The following MTUS2 variants were observed in gnomAD, a reference collection of about 807,000 sequenced individuals.
MTUS2 encodes the protein microtubule associated scaffold protein 2.
Under a neutral mutation model 114.1 loss-of-function variants are expected in MTUS2, and 40 were observed. The observed-to-expected ratio is 0.35, with a 90% CI of 0.27 to 0.46. The LOEUF (loss-of-function observed/expected upper bound fraction) is 0.46. Ranked by LOEUF, MTUS2 falls within the 20% of genes least tolerant of loss-of-function variation. The pLI, the probability that MTUS2 is intolerant of heterozygous loss-of-function variation, is 1.00. For missense variants in MTUS2, 1,679 were observed against 1,705.4 expected, an observed-to-expected ratio of 0.98 and a Z score of 0.27; for synonymous variants, 688 against 672.0, an observed-to-expected ratio of 1.02 and a Z score of -0.37.
chr13:29,481,576 G>A (rs879295950), intron 10 of MTUS2, among the ~76,000 whole-genome samples: 7 of 152,090 alleles, frequency 4.6e-5, no homozygotes, highest in Admixed American at 2.0e-4. Flanking sequence ...TTCATTGTCC[G>A]AAACCCTTGG....
chr13:29,430,450 T>C (rs1250552845), intron 8 of MTUS2, among the ~76,000 whole-genome samples: 2 of 152,206 alleles, frequency 1.3e-5, no homozygotes, highest in Non-Finnish European at 2.9e-5. Flanking sequence ...GTATGATGTT[T>C]AAGTAACTTT....
chr13:29,447,204 G>A (rs562111755), intron 9 of MTUS2, among the ~76,000 whole-genome samples: 1 of 152,182 alleles, frequency 6.6e-6, no homozygotes, highest in East Asian at 1.9e-4. Flanking sequence ...TGGAGACAGG[G>A]CACTCTGGTG....
intron 2 of MTUS2, among the ~76,000 whole-genome samples, chr13:29,016,352 CTT>C (rs1332818031): frequency 3.7e-5 from 5 of 136,664 alleles, no homozygotes; most frequent in Non-Finnish European, 3.2e-5. Context: ...CTGGAAAGGA[CTT>C]TTTTTTTTTT....
At chr13:29,211,790 T>G (rs1473668199) in intron 5 of MTUS2, among the ~76,000 whole-genome samples, 1 of 151,692 alleles carries the variant, frequency 6.6e-6, no homozygotes, top group Non-Finnish European at 1.5e-5. Context: ...ACTCATAGTT[T>G]GTCAGTGTGT....
chr13:29,206,078 T>C (rs1353952916), intron 5 of MTUS2, among the ~76,000 whole-genome samples: 2 of 152,216 alleles, frequency 1.3e-5, no homozygotes, highest in African/African-American at 4.8e-5. Context: ...TTCTATTGTT[T>C]TTAGATTTTT....
intron 6 of MTUS2, among the ~76,000 whole-genome samples, chr13:29,310,081 C>G (rs1899682021): frequency 1.3e-5 from 2 of 152,034 alleles, no homozygotes; most frequent in Admixed American, 1.3e-4. Flanking sequence ...ACTACCCTTC[C>G]CAGCCTCTGG....
intron 2 of MTUS2, among the ~76,000 whole-genome samples, chr13:28,909,526 A>G (rs1880268486): frequency 6.6e-6 from 1 of 152,274 alleles, no homozygotes; most frequent in African/African-American, 2.4e-5. Flanking sequence ...TATGGGATGT[A>G]TCTGAAAATA....
intron 7 of MTUS2, among the ~76,000 whole-genome samples, chr13:29,328,680 A>C (rs1161667680): frequency 6.6e-6 from 1 of 152,198 alleles, no homozygotes; most frequent in African/African-American, 2.4e-5. Context: ...GCTCTCAGTT[A>C]ATCTCTCCAG....
chr13:28,839,352 G>A (rs1377515468), intron 1 of MTUS2, among the ~76,000 whole-genome samples: 1 of 152,174 alleles, frequency 6.6e-6, no homozygotes, highest in Non-Finnish European at 1.5e-5. Flanking sequence ...TACACAATAT[G>A]AAAATTAAGA....
intron 6 of MTUS2, among the ~76,000 whole-genome samples, chr13:29,298,299 C>T (rs1343285203): frequency 1.3e-5 from 2 of 152,138 alleles, no homozygotes; most frequent in African/African-American, 4.8e-5. Flanking sequence ...ATTTGAGTTC[C>T]TCTCTACCTA....
intron 2 of MTUS2, among the ~76,000 whole-genome samples, chr13:28,880,523 G>T (rs1249121045): frequency 6.6e-6 from 1 of 152,066 alleles, no homozygotes; most frequent in Non-Finnish European, 1.5e-5. Flanking sequence ...AAAAGCAAAG[G>T]TTATAATAAA....
chr13:29,386,418 A>T (rs987024618), intron 8 of MTUS2, among the ~76,000 whole-genome samples: 5 of 152,224 alleles, frequency 3.3e-5, no homozygotes. Flanking sequence ...TGAAGGTAGG[A>T]CAGGGTGATC....
intron 9 of MTUS2, among the ~76,000 whole-genome samples, chr13:29,477,621 G>A (rs1454851097): frequency 6.6e-6 from 1 of 152,178 alleles, no homozygotes; most frequent in Non-Finnish European, 1.5e-5. Context: ...GTACCACAAA[G>A]TCTCTGACCA....
chr13:29,036,757 T>C (rs1206409120), intron 4 of MTUS2, among the ~76,000 whole-genome samples: 1 of 152,206 alleles, frequency 6.6e-6, no homozygotes, highest in Non-Finnish European at 1.5e-5. Flanking sequence ...TTTACCATTA[T>C]GTAATGCCCT....
chr13:29,080,713 T>C (rs1221633301), intron 4 of MTUS2, among the ~76,000 whole-genome samples: 4 of 152,086 alleles, frequency 2.6e-5, no homozygotes, highest in Non-Finnish European at 5.9e-5. Context: ...ACTCAAATGT[T>C]AATCTCTCTC....
chr13:29,420,432 C>A (rs146325176), intron 8 of MTUS2, among the ~76,000 whole-genome samples: 1 of 152,030 alleles, frequency 6.6e-6, no homozygotes, highest in Admixed American at 6.5e-5. Context: ...CCCCCGCTGC[C>A]GCGCCCAGCT....
At chr13:29,424,521 A>T (rs1876361089) in intron 8 of MTUS2, among the ~76,000 whole-genome samples, 1 of 152,176 alleles carries the variant, frequency 6.6e-6, no homozygotes, top group East Asian at 1.9e-4. Context: ...CATTATATGA[A>T]AGGTTGATGG....
At chr13:28,865,122 C>CACACACGTGTGTGTGTCTAT (rs1877219508) in intron 2 of MTUS2, among the ~76,000 whole-genome samples, 1 of 151,974 alleles carries the variant, frequency 6.6e-6, no homozygotes, top group Non-Finnish European at 1.5e-5. Flanking sequence ...GGTGTGTATA[C>CACACACGTGTGTGTGTCTAT]ACACACGTGT....
intron 5 of MTUS2, among the ~76,000 whole-genome samples, chr13:29,163,699 T>C (rs1057321853): frequency 6.6e-6 from 1 of 152,208 alleles, no homozygotes; most frequent in Non-Finnish European, 1.5e-5. Context: ...CTATTCTGGC[T>C]GATTCCAAGG....
Sources: gnomAD v4.1 joint callset for allele counts (sites outside exome capture counted in the v4.1 genomes callset) on GRCh38, gnomAD v4.1.1 for gene constraint, MANE v1.5 for transcripts, NCBI Gene and HGNC (gene_info 2026-07-23, HGNC 2026-07-21) for gene names.